HECW1: variants seen among roughly 807,000 people sequenced by gnomAD.
HECW1 encodes E3 ubiquitin-protein ligase HECW1.
In HECW1, 61 loss-of-function variants were observed where a neutral mutation model predicts 182.3. That is an observed-to-expected ratio of 0.33 (90% CI 0.27 to 0.41). The LOEUF is 0.41. Among genes scored for constraint, HECW1 ranks in the 10% least tolerant of loss-of-function variants. The pLI, the probability that HECW1 is intolerant of heterozygous loss-of-function variation, is 1.00. For missense variants in HECW1, 1,739 were observed against 2,108.9 expected, an observed-to-expected ratio of 0.82 and a Z score of 3.44; for synonymous variants, 859 against 832.6, an observed-to-expected ratio of 1.03 and a Z score of -0.55.
chr7:43,144,373 C>T (rs1788478922), intron 2 of HECW1, among the ~76,000 whole-genome samples: 1 of 152,086 alleles, frequency 6.6e-6, no homozygotes, highest in Non-Finnish European at 1.5e-5. Flanking sequence ...CCTTCCCATG[C>T]AGAGCTCTTT....
chr7:43,471,937 C>G (rs746778774), intron 16 of HECW1, among the ~76,000 whole-genome samples: 2 of 152,000 alleles, frequency 1.3e-5, no homozygotes, highest in Non-Finnish European at 2.9e-5. Context: ...GAAAATAGAA[C>G]TATTTAAAAG....
At chr7:43,132,760 C>T (rs1422647270) in intron 2 of HECW1, among the ~76,000 whole-genome samples, 2 of 152,106 alleles carry the variant, frequency 1.3e-5, no homozygotes, top group African/African-American at 2.4e-5. Context: ...TCCTTCCTTC[C>T]ACTCTCCTGG....
chr7:43,484,571 A>G (rs2078557149), intron 17 of HECW1: 1 of 152,188 alleles, frequency 6.6e-6, no homozygotes. Flanking sequence ...TGATTTTTTT[A>G]TAAATTGCAT....
intron 12 of HECW1, among the ~76,000 whole-genome samples, chr7:43,454,341 T>A (rs908467218): frequency 3.9e-5 from 6 of 152,200 alleles, no homozygotes; most frequent in African/African-American, 1.2e-4. Flanking sequence ...ATGACAGTCA[T>A]GTTGGATTCA....
intron 24 of HECW1, among the ~76,000 whole-genome samples, chr7:43,516,867 C>T (rs533961403): frequency 2.0e-4 from 30 of 152,308 alleles, no homozygotes; most frequent in African/African-American, 7.2e-4. Context: ...GTACTGAATA[C>T]CTTAGGCAAC....
chr7:43,247,962 A>T (rs1040934690), intron 3 of HECW1, among the ~76,000 whole-genome samples: 3 of 141,044 alleles, frequency 2.1e-5, no homozygotes, highest in African/African-American at 8.4e-5. Context: ...GGAAGGAAAG[A>T]AAAAGAGAAA....
At chr7:43,559,303 C>T (rs1170745789) in intron 29 of HECW1, among the ~76,000 whole-genome samples, 1 of 152,098 alleles carries the variant, frequency 6.6e-6, no homozygotes, top group African/African-American at 2.4e-5. Flanking sequence ...ACTTAAAGAC[C>T]CGTGCAGATC....
chr7:43,310,621 C>T (rs866898384), intron 3 of HECW1, among the ~76,000 whole-genome samples: 3 of 152,172 alleles, frequency 2.0e-5, no homozygotes, highest in Admixed American at 6.5e-5. Context: ...AGACTTTTTA[C>T]AACATCCTGG....
At chr7:43,289,754 T>C (rs771123119) in intron 3 of HECW1, among the ~76,000 whole-genome samples, 5 of 152,126 alleles carry the variant, frequency 3.3e-5, no homozygotes, top group Non-Finnish European at 7.4e-5. Flanking sequence ...GTGGCCCAGG[T>C]GGTTACAGTT....
intron 6 of HECW1, among the ~76,000 whole-genome samples, chr7:43,390,377 A>C (rs1326555464): frequency 1.3e-5 from 2 of 152,002 alleles, no homozygotes; most frequent in Non-Finnish European, 2.9e-5. Context: ...CGTTCCTACA[A>C]AAAAATTTTT....
intron 19 of HECW1, among the ~76,000 whole-genome samples, chr7:43,495,549 T>C (rs1002710174): frequency 1.3e-5 from 2 of 152,212 alleles, no homozygotes; most frequent in Admixed American, 1.3e-4. Flanking sequence ...TTCCTTGTCT[T>C]TGTGCCCACT....
intron 24 of HECW1, among the ~76,000 whole-genome samples, chr7:43,514,344 G>A (rs924044420): frequency 1.3e-5 from 2 of 149,716 alleles, no homozygotes; most frequent in African/African-American, 4.9e-5. Context: ...TGTCCCCCAG[G>A]CTGAGTGCAA....
intron 3 of HECW1, among the ~76,000 whole-genome samples, chr7:43,284,625 CA>C (rs1804385509): frequency 6.6e-6 from 1 of 151,644 alleles, no homozygotes; most frequent in African/African-American, 2.4e-5. Flanking sequence ...CCCTGTTGTA[CA>C]ATAGATCACT....
chr7:43,469,238 G>A, intron 16 of HECW1, 133 bp downstream of exon 16: 1 of 902,696 alleles, frequency 1.1e-6, no homozygotes, highest in Non-Finnish European at 1.7e-6. Context: ...CAGCAGTAAA[G>A]GGGCTGATAA....
Position 43,444,908 on chromosome 7 carries a change from C to T in HECW1, c.1736C>T (p.Ala579Val), listed in dbSNP as rs1242739967. 1.9e-6 allele frequency: 3 copies of T among 1,601,466 alleles called. No homozygotes were observed. In the South Asian group the frequency reaches 3.3e-5, roughly 18 times the overall value. ...CCCTCCGCCCAGGGCGGCAGCGCGG[C>T]AGAGGAGGAGGACGGCGCGGAGGAG... ...SMPSAQGGSA[A>V]EEEDGAEEES... is the part of the protein sequence containing the mutation. The change falls in exon 11 of 30, where the codon GCA (alanine) becomes GTA (valine). Residue 579 changes from alanine (A) to valine (V), a missense_variant. Coordinates refer to ENST00000395891, the MANE Select transcript of HECW1 (RefSeq NM_015052.5). The surrounding 1 kb of genome is among the most constrained non-coding windows in gnomAD (Gnocchi z 4.3).
intron 3 of HECW1, among the ~76,000 whole-genome samples, chr7:43,251,109 C>G (rs1310720157): frequency 6.6e-6 from 1 of 152,160 alleles, no homozygotes; most frequent in South Asian, 2.1e-4. Context: ...GGCTTTCTCT[C>G]CCAGTCATTT....
chr7:43,276,838 C>G (rs573605327), intron 3 of HECW1, among the ~76,000 whole-genome samples: 37 of 152,194 alleles, frequency 2.4e-4, no homozygotes, highest in Non-Finnish European at 5.0e-4. Flanking sequence ...TTTTACTTTT[C>G]CTAAAGTGAA....
At chr7:43,263,307 C>T (rs1290148175) in intron 3 of HECW1, among the ~76,000 whole-genome samples, 1 of 152,190 alleles carries the variant, frequency 6.6e-6, no homozygotes, top group Admixed American at 6.5e-5. Context: ...TTCCTGTCAG[C>T]ATAGCACTGC....
intron 8 of HECW1, among the ~76,000 whole-genome samples, chr7:43,412,542 C>T (rs1254839978): frequency 6.7e-6 from 1 of 149,634 alleles, no homozygotes; most frequent in Admixed American, 6.7e-5. Flanking sequence ...CATGCTGGTG[C>T]GCTGCACCCA....
Sources: allele counts gnomAD v4.1 joint callset (sites outside exome capture counted in the v4.1 genomes callset), GRCh38; gene constraint gnomAD v4.1.1; non-coding constraint Gnocchi (gnomAD v3.1); transcripts MANE v1.5; gene names NCBI Gene and HGNC (gene_info 2026-07-23, HGNC 2026-07-21).